DNAJC6: variants seen among roughly 807,000 people sequenced by gnomAD.
DNAJC6 encodes the protein DnaJ heat shock protein family (Hsp40) member C6.
DNAJC6 carries 34 observed loss-of-function variants against 110.0 expected under a neutral mutation model. The ratio of observed to expected loss-of-function variants is 0.31; its 90% CI spans 0.24 to 0.41. The LOEUF (loss-of-function observed/expected upper bound fraction) is 0.41. Ranked by LOEUF, DNAJC6 falls within the 10% of genes least tolerant of loss-of-function variation. The probability of loss-of-function intolerance (pLI) is 1.00; values close to 1 mark genes in which losing one functional copy is unlikely to be tolerated. For synonymous variants in DNAJC6, 406 were observed against 437.2 expected, an observed-to-expected ratio of 0.93 and a Z score of 0.89; for missense variants, 1,031 against 1,207.8, an observed-to-expected ratio of 0.85 and a Z score of 2.17.
At chr1:65,348,032 C>T (rs952920989) in intron 1 of DNAJC6, among the ~76,000 whole-genome samples, 1 of 152,150 alleles carries the variant, frequency 6.6e-6, no homozygotes, top group Non-Finnish European at 1.5e-5. Flanking sequence ...TTTGGCTTAT[C>T]TTCCCCAGTC....
In DNAJC6 at chr1:65,384,295, C is replaced by A; in HGVS notation, c.769C>A (p.Pro257Thr). The part of the protein sequence containing the change: ...PAIRLLYAKR[P>T]GIGLSPSHRR... ...CATTCGATTGCTATATGCAAAGCGA[C>A]CAGGAATTGGACTTTCACCATCCCA... Residue 257 changes from proline (P) to threonine (T), a missense_variant, in exon 6 of 19, where the codon CCA (proline) becomes ACA (threonine). Transcript: ENST00000371069. 6.3e-7 allele frequency: 1 copy of A among 1,579,862 alleles called. No individual in the cohort carries two copies. The highest frequency in any genetic ancestry group is 8.6e-7 in the Non-Finnish European group (1 of 1,165,412).
intron 4 of DNAJC6, among the ~76,000 whole-genome samples, chr1:65,367,147 C>G (rs1014222948): frequency 6.6e-6 from 1 of 152,116 alleles, no homozygotes; most frequent in Non-Finnish European, 1.5e-5. Context: ...ATTCTGAGAA[C>G]AGTCTCAAAT....
chr1:65,311,373 T>A (rs888823520), intron 1 of DNAJC6, among the ~76,000 whole-genome samples: 1 of 151,790 alleles, frequency 6.6e-6, no homozygotes, highest in African/African-American at 2.4e-5. Context: ...TACAGGCACC[T>A]GTCACCATGC....
At chr1:65,407,214 C>T (rs1288084168) in intron 16 of DNAJC6, among the ~76,000 whole-genome samples, 3 of 152,120 alleles carry the variant, frequency 2.0e-5, no homozygotes, top group Non-Finnish European at 4.4e-5. Context: ...GTATTCTCTA[C>T]CCACCCATTA....
At chr1:65,322,221 C>A (rs990577054) in intron 1 of DNAJC6, among the ~76,000 whole-genome samples, 29 of 152,084 alleles carry the variant, frequency 1.9e-4, no homozygotes, top group African/African-American at 6.3e-4. Context: ...AAAAATTAAC[C>A]CCCCCAAACC....
intron 1 of DNAJC6, 65 bp downstream of exon 1, chr1:65,310,003 C>A: frequency 2.2e-6 from 3 of 1,376,170 alleles, no homozygotes; most frequent in Non-Finnish European, 2.8e-6. Flanking sequence ...CCCAGTCGCC[C>A]GGCCCGAGGC....
chr1:65,392,449 C>A lies in DNAJC6; in HGVS notation c.1487C>A (p.Ser496Ter). 1 of 1,602,142 alleles carries A rather than the reference C, an allele frequency of 6.2e-7. No homozygotes were observed. The highest frequency in any genetic ancestry group is 8.5e-7 in the Non-Finnish European group (1 of 1,173,458). ...TCCTCAGATCAGAAATCGGAGAAGT[C>A]ATTCTGTGAGGAGGACCACGCTGCC... is the stretch of plus-strand genomic sequence containing the variant. ...LCWQDQKSEK[S>*]FCEEDHAALV... Residue 496 changes from serine to a stop codon, truncating the protein, a stop_gained, in exon 12 of 19, where the codon TCA becomes TAA. Transcript: ENST00000371069. LOFTEE classifies it high-confidence loss of function.
chr1:65,332,025 C>T (rs927779374), intron 1 of DNAJC6, among the ~76,000 whole-genome samples: 2 of 152,190 alleles, frequency 1.3e-5, no homozygotes, highest in African/African-American at 4.8e-5. Context: ...TGGAGTCTCT[C>T]AGCATGTCCT....
intron 4 of DNAJC6, among the ~76,000 whole-genome samples, chr1:65,368,720 T>TCC (rs1378650603): frequency 6.8e-5 from 2 of 29,404 alleles, no homozygotes; most frequent in African/African-American, 4.7e-4. Flanking sequence ...CTTCTTCCTC[T>TCC]TCTTCTTCTT....
chr1:65,378,866 GA>G (rs551813614), intron 4 of DNAJC6, among the ~76,000 whole-genome samples: 19 of 152,142 alleles, frequency 1.2e-4, no homozygotes, highest in African/African-American at 3.6e-4. Context: ...CATAATGTGT[GA>G]AAAAAATATG....
At chr1:65,371,927 T>C (rs1201048361) in intron 4 of DNAJC6, among the ~76,000 whole-genome samples, 1 of 152,208 alleles carries the variant, frequency 6.6e-6, no homozygotes, top group South Asian at 2.1e-4. Flanking sequence ...TGCCTTAGTG[T>C]TTTCCCCTTT....
intron 4 of DNAJC6, among the ~76,000 whole-genome samples, chr1:65,373,726 G>C (rs1201823170): frequency 6.6e-6 from 1 of 151,702 alleles, no homozygotes; most frequent in Non-Finnish European, 1.5e-5. Context: ...CTGCCATTCA[G>C]TGGGTTGTCT....
Position 65,415,176 on chromosome 1 carries a change from C to A in DNAJC6, c.*2151C>A, listed in dbSNP as rs1465727661. 4 of 152,108 alleles carry A rather than the reference C, an allele frequency of 2.6e-5. No individual in the cohort carries two copies. Among genetic ancestry groups the A allele is most frequent in the African/African-American group, 9.7e-5 (4 of 41,414 alleles). The allele number at this position is 152,108 out of a possible 1,614,324, so 9.4% of individuals were successfully genotyped here. ...TTGTTGTTGATCAGATTCACTGTTT[C>A]ATCATATTTATTGTAATATATTTTT... On this transcript the variant is annotated 3_prime_UTR_variant, in exon 19 of 19. Transcript: ENST00000371069.
At chr1:65,395,449 A>G in intron 13 of DNAJC6, among the ~76,000 whole-genome samples, 1 of 152,240 alleles carries the variant, frequency 6.6e-6, no homozygotes, top group Non-Finnish European at 1.5e-5. Flanking sequence ...AAAATATGTT[A>G]GTAGTCCACA....
rs377579176 is a variant in DNAJC6, at chr1:65,384,219, G to A, written c.693G>A (p.Leu231=). 1.9e-6 allele frequency: 3 copies of A among 1,557,904 alleles called. No homozygotes were observed. In the African/African-American group the frequency reaches 4.2e-5, roughly 22 times the overall value. Residue 231 remains leucine, a synonymous_variant, in exon 6 of 19, where the codon CTG becomes CTA. Coordinates refer to ENST00000371069, the MANE Select transcript of DNAJC6 (RefSeq NM_001256864.2). ...CLDGRAASSI[L]VGAMFIFCNL... ...ATGGACGGGCGGCATCATCAATTCT[G>A]GTTGGTGCTATGTTCATTTTCTGTA...
At chr1:65,344,203 C>A (rs1025393389) in intron 1 of DNAJC6, among the ~76,000 whole-genome samples, 1 of 152,206 alleles carries the variant, frequency 6.6e-6, no homozygotes, top group Non-Finnish European at 1.5e-5. Flanking sequence ...AGTCACACAG[C>A]TCTTTCCTCC....
intron 1 of DNAJC6, among the ~76,000 whole-genome samples, chr1:65,317,999 C>A (rs1570270962): frequency 6.6e-6 from 1 of 152,106 alleles, no homozygotes; most frequent in South Asian, 2.1e-4. Flanking sequence ...TGCATTTAGG[C>A]TTGAAGCTGG....
intron 1 of DNAJC6, among the ~76,000 whole-genome samples, chr1:65,271,594 CGGT>C (rs1653507555): frequency 6.6e-6 from 1 of 151,936 alleles, no homozygotes; most frequent in South Asian, 2.1e-4. Context: ...AGGCCGGGTG[CGGT>C]GGCTTATGAC....
At chr1:65,352,420 G>A (rs1645499609) in intron 1 of DNAJC6, among the ~76,000 whole-genome samples, 1 of 152,010 alleles carries the variant, frequency 6.6e-6, no homozygotes, top group African/African-American at 2.4e-5. Flanking sequence ...TTTGATTTAG[G>A]CTAGAAGTCC....
Sources: allele counts gnomAD v4.1 joint callset (sites outside exome capture counted in the v4.1 genomes callset), GRCh38; gene constraint gnomAD v4.1.1; transcripts MANE v1.5; gene names NCBI Gene and HGNC (gene_info 2026-07-23, HGNC 2026-07-21).